Variants in LRP1B observed in about 807,000 individuals in gnomAD.
LRP1B encodes low-density lipoprotein receptor-related protein 1B.
Under a neutral mutation model 556.6 loss-of-function variants are expected in LRP1B, and 217 were observed. The observed-to-expected ratio is 0.39, with a 90% confidence interval of 0.35 to 0.44. LRP1B has a LOEUF of 0.44. Ranked by LOEUF, LRP1B falls within the 20% of genes least tolerant of loss-of-function variation. The pLI, the probability that LRP1B is intolerant of heterozygous loss-of-function variation, is 1.00. For missense variants in LRP1B, 5,053 were observed against 5,620.8 expected, an observed-to-expected ratio of 0.90 and a Z score of 3.23; for synonymous variants, 2,047 against 1,865.8, an observed-to-expected ratio of 1.10 and a Z score of -2.50.
intron 49 of LRP1B, among the ~76,000 whole-genome samples, chr2:140,517,460 T>C (rs1342302486): frequency 1.3e-5 from 2 of 152,128 alleles, no homozygotes; most frequent in Non-Finnish European, 1.5e-5. Flanking sequence ...TGGAAAAGTG[T>C]GAATCTAGTG....
intron 2 of LRP1B, among the ~76,000 whole-genome samples, chr2:141,785,673 G>A (rs1370490070): frequency 6.6e-6 from 1 of 150,654 alleles, no homozygotes; most frequent in African/African-American, 2.4e-5. Flanking sequence ...GTGCTTATGT[G>A]CCTTTAGGAG....
chr2:142,097,575 A>C (rs1424075246), intron 1 of LRP1B, among the ~76,000 whole-genome samples: 1 of 151,620 alleles, frequency 6.6e-6, no homozygotes, highest in African/African-American at 2.4e-5. Flanking sequence ...TGTACAGCTA[A>C]ATAGATCTCC....
intron 1 of LRP1B, among the ~76,000 whole-genome samples, chr2:141,882,045 T>C (rs1698976379): frequency 6.6e-6 from 1 of 152,076 alleles, no homozygotes; most frequent in South Asian, 2.1e-4. Context: ...GTGTGAGCCA[T>C]GGTGTAGGGC....
Position 141,741,128 on chromosome 2 carries a change from A to G in LRP1B, c.205+69151T>C, listed in dbSNP as rs559455173. 2.0e-5 allele frequency among the ~76,000 whole-genome samples: 3 copies of G among 152,220 alleles called. No individual in the cohort carries two copies. The South Asian group carries it at 6.2e-4, about 32-fold the overall frequency. On this transcript the variant is annotated intron_variant, in intron 2 of 90. Coordinates refer to ENST00000389484, the MANE Select transcript of LRP1B (RefSeq NM_018557.3). ...TCTCTTTATGGCTGAATAGTACTCC[A>G]TGGTGTATAAGTGCCACATGTTCTT...
chr2:141,016,137 A>G (rs765570269), intron 12 of LRP1B, among the ~76,000 whole-genome samples: 2 of 152,094 alleles, frequency 1.3e-5, no homozygotes, highest in Non-Finnish European at 2.9e-5. Flanking sequence ...AGAAAAGCCA[A>G]CTACCACCAC....
intron 83 of LRP1B, among the ~76,000 whole-genome samples, chr2:140,312,787 C>CTT (rs1684363763): frequency 2.0e-5 from 3 of 151,718 alleles, no homozygotes; most frequent in African/African-American, 7.3e-5. Context: ...TTCATTATTA[C>CTT]AAACAGTAAC....
intron 43 of LRP1B, among the ~76,000 whole-genome samples, chr2:140,543,286 T>C (rs1680203370): frequency 6.6e-6 from 1 of 151,650 alleles, no homozygotes. Context: ...CAACTTAAAG[T>C]AATAAAAGGA....
intron 41 of LRP1B, among the ~76,000 whole-genome samples, chr2:140,687,423 T>G (rs1416553375): frequency 6.6e-6 from 1 of 152,196 alleles, no homozygotes. Flanking sequence ...CATAGTATGC[T>G]ATCCTAGGCG....
rs77973903 is a variant in LRP1B at position 141,761,884 on chromosome 2, A to T, written c.205+48395T>A. Among the ~76,000 whole-genome samples the T allele has an allele frequency of 4.3e-3, 651 of 152,298 alleles. 7 individuals carry two copies. Among genetic ancestry groups the T allele is most frequent in the African/African-American group, 0.015 (612 of 41,570 alleles). ...TAGTATTGCTATGTTTTCCTTCAACATTTAAAATATCCCAGAGTATCTCAT... is the reference window on the plus strand; with the variant it reads ...TAGTATTGCTATGTTTTCCTTCAACTTTTAAAATATCCCAGAGTATCTCAT... On this transcript the variant is annotated intron_variant, in intron 2 of 90. Transcript: ENST00000389484.
intron 31 of LRP1B, among the ~76,000 whole-genome samples, chr2:140,834,147 T>G (rs1691815578): frequency 6.6e-6 from 1 of 152,240 alleles, no homozygotes; most frequent in African/African-American, 2.4e-5. Flanking sequence ...GAAATTTTTA[T>G]ATAATGATCC....
intron 1 of LRP1B, among the ~76,000 whole-genome samples, chr2:142,015,395 A>G (rs879350338): frequency 5.9e-5 from 9 of 152,302 alleles, no homozygotes; most frequent in Non-Finnish European, 1.2e-4. Context: ...AGACTTAAAC[A>G]TAAGACCTAA....
At chr2:140,588,722 T>G (rs1426359988) in intron 43 of LRP1B, among the ~76,000 whole-genome samples, 1 of 151,908 alleles carries the variant, frequency 6.6e-6, no homozygotes, top group Non-Finnish European at 1.5e-5. Flanking sequence ...TCCCAGCACT[T>G]TGGGAGGCCA....
At chr2:142,030,187 TG>T (rs2105193933) in intron 1 of LRP1B, among the ~76,000 whole-genome samples, 2 of 151,970 alleles carry the variant, frequency 1.3e-5, no homozygotes, top group Admixed American at 6.6e-5. Context: ...GCATGCATAA[TG>T]CAGCTCCTTA....
intron 3 of LRP1B, among the ~76,000 whole-genome samples, chr2:141,333,375 C>T (rs1687730071): frequency 6.6e-6 from 1 of 152,138 alleles, no homozygotes; most frequent in Non-Finnish European, 1.5e-5. Context: ...CATATTTCAG[C>T]TCCCTTTTTT....
intron 3 of LRP1B, among the ~76,000 whole-genome samples, chr2:141,260,954 T>C (rs1300414387): frequency 1.3e-5 from 2 of 152,044 alleles, no homozygotes; most frequent in African/African-American, 4.8e-5. Flanking sequence ...ACTAGAACCA[T>C]AGTAATGAGG....
chr2:141,387,846 CTG>C (rs1452171771), intron 3 of LRP1B, among the ~76,000 whole-genome samples: 1 of 152,060 alleles, frequency 6.6e-6, no homozygotes, highest in African/African-American at 2.4e-5. Flanking sequence ...AGGGAAGAAA[CTG>C]CAAGAAAAGA....
At chr2:141,100,908 T>TAG (rs541668731) in intron 7 of LRP1B, among the ~76,000 whole-genome samples, 1 of 151,978 alleles carries the variant, frequency 6.6e-6, no homozygotes, top group Non-Finnish European at 1.5e-5. Context: ...TAAAATCCCC[T>TAG]AGTAAAGTTG....
chr2:141,345,355 G>A (rs1688209182), intron 3 of LRP1B, among the ~76,000 whole-genome samples: 1 of 152,084 alleles, frequency 6.6e-6, no homozygotes, highest in Non-Finnish European at 1.5e-5. Context: ...AGCAGCAAAA[G>A]TAAACTAATA....
At position 140,934,641 on chromosome 2, in the gene LRP1B, G is replaced by C. The variant is rs141223265; in HGVS notation, c.3137-11494C>G. Among the ~76,000 whole-genome samples the C allele has an allele frequency of 1.6e-4, 24 of 152,222 alleles. No individual in the cohort carries two copies. In the East Asian group the frequency reaches 3.5e-3, roughly 22 times the overall value. On this transcript the variant is annotated intron_variant, in intron 20 of 90. Transcript: ENST00000389484. ...TCCTGGAGCAGCTTGCACACAGCTT[G>C]TGTGATCCAGAGTAGACAGACAGGA...
Sources: gnomAD v4.1 joint callset for allele counts (sites outside exome capture counted in the v4.1 genomes callset) on GRCh38, gnomAD v4.1.1 for gene constraint, MANE v1.5 for transcripts, NCBI Gene and HGNC (gene_info 2026-07-23, HGNC 2026-07-21) for gene names.